Variants in MARCHF4 observed in about 807,000 individuals in gnomAD.
MARCHF4 encodes E3 ubiquitin-protein ligase MARCHF4.
MARCHF4 carries 14 observed loss-of-function variants against 43.9 expected under a neutral mutation model. That is an observed-to-expected ratio of 0.32 (90% CI 0.21 to 0.50). The LOEUF (loss-of-function observed/expected upper bound fraction) is 0.50, where lower values mean the gene tolerates loss of function less well. MARCHF4 is among the 20% of genes least tolerant of loss of function. MARCHF4 has a pLI of 0.98. For synonymous variants in MARCHF4, 226 were observed against 213.3 expected (o/e 1.06, Z -0.52); for missense variants, 468 against 536.7 (o/e 0.87, Z 1.27).
chr2:216,334,241 T>A (rs1319596589), intron 1 of MARCHF4, among the ~76,000 whole-genome samples: 1 of 152,114 alleles, frequency 6.6e-6, no homozygotes, highest in Non-Finnish European at 1.5e-5. Flanking sequence ...GTTGCTGGAT[T>A]TGAAGATGGA....
intron 1 of MARCHF4, among the ~76,000 whole-genome samples, chr2:216,301,432 T>C (rs1244239767): frequency 1.3e-5 from 2 of 152,224 alleles, no homozygotes; most frequent in East Asian, 3.9e-4. Flanking sequence ...GTCACTTGTA[T>C]TGTCAATCTT....
chr2:216,316,748 T>A (rs1691784096), intron 1 of MARCHF4, among the ~76,000 whole-genome samples: 1 of 152,212 alleles, frequency 6.6e-6, no homozygotes. Flanking sequence ...CCAGAACTTC[T>A]GATTCTGCAG....
chr2:216,323,882 C>A (rs1229122776), intron 1 of MARCHF4, among the ~76,000 whole-genome samples: 4 of 151,758 alleles, frequency 2.6e-5, no homozygotes, highest in Non-Finnish European at 5.9e-5. Context: ...AAATTGACAC[C>A]CTAACATCAC....
chr2:216,326,745 G>T (rs1010108847), intron 1 of MARCHF4, among the ~76,000 whole-genome samples: 2 of 150,988 alleles, frequency 1.3e-5, no homozygotes, highest in African/African-American at 2.4e-5. Context: ...CTCACTCATA[G>T]GTGGGAATTG....
At chr2:216,330,239 A>T (rs1692065616) in intron 1 of MARCHF4, among the ~76,000 whole-genome samples, 1 of 152,224 alleles carries the variant, frequency 6.6e-6, no homozygotes, top group Non-Finnish European at 1.5e-5. Context: ...TTTTATAATG[A>T]TAGTGTGATA....
In MARCHF4 at chr2:216,370,032, T is replaced by G. The variant is rs1446306073; in HGVS notation, c.229A>C (p.Asn77His). 6.5e-7 allele frequency: 1 copy of G among 1,549,324 alleles called. No homozygotes were observed. The highest frequency in any genetic ancestry group is 2.4e-5 in the East Asian group (1 of 41,346). Reference sequence around the variant, plus strand: ...CCGGCGCCCAGAGCCGGAAGGGTGTTGTTGGCCGCCAAACCGGGGGGCTGG... The same window carrying G: ...CCGGCGCCCAGAGCCGGAAGGGTGTGGTTGGCCGCCAAACCGGGGGGCTGG... ...DPQPPGLAAN[N>H]TLPALGAGGW... Residue 77 changes from asparagine (N) to histidine (H), a missense_variant, in exon 1 of 4, where the codon AAC becomes CAC. Transcript: ENST00000273067.
At chr2:216,359,648 G>A (rs963559434) in intron 1 of MARCHF4, among the ~76,000 whole-genome samples, 12 of 152,204 alleles carry the variant, frequency 7.9e-5, no homozygotes, top group South Asian at 2.1e-4. Context: ...TCACCAGCTT[G>A]ACTATCCAGT....
intron 1 of MARCHF4, among the ~76,000 whole-genome samples, chr2:216,295,724 G>C (rs1691380262): frequency 6.6e-6 from 1 of 152,214 alleles, no homozygotes; most frequent in East Asian, 1.9e-4. Flanking sequence ...AAGTTCATCA[G>C]TCTGAAATCT....
intron 3 of MARCHF4, among the ~76,000 whole-genome samples, chr2:216,268,906 C>G (rs1690889533): frequency 6.6e-6 from 1 of 152,126 alleles, no homozygotes; most frequent in African/African-American, 2.4e-5. Context: ...TTGTACAATC[C>G]TGCTGCCCCC....
chr2:216,349,766 C>G (rs1056328261), intron 1 of MARCHF4, among the ~76,000 whole-genome samples: 2 of 152,104 alleles, frequency 1.3e-5, no homozygotes, highest in African/African-American at 2.4e-5. Flanking sequence ...GTTAAAGTGA[C>G]AAGGCTGGAG....
intron 3 of MARCHF4, among the ~76,000 whole-genome samples, chr2:216,275,049 T>G (rs1003875327): frequency 3.3e-5 from 5 of 152,176 alleles, no homozygotes; most frequent in African/African-American, 1.2e-4. Flanking sequence ...CAGCACAGAA[T>G]GGATAAATTA....
rs1359570256 is a variant in MARCHF4 at position 216,320,659 on chromosome 2, CTTTCTTTCTTTCTTTCTT to C, written c.517-36948_517-36931del. On this transcript the variant is annotated intron_variant, in intron 1 of 3. Coordinates refer to ENST00000273067, the MANE Select transcript of MARCHF4 (RefSeq NM_020814.3). Reference sequence around the variant, plus strand: ...TCTTTCTTTCTTTCTTTCTTTCTTTCTTTCTTTCTTTCTTTCTTTTTTTTTTTTTGAGATGGAGTCCCA... The same window carrying C: ...TCTTTCTTTCTTTCTTTCTTTCTTTCTTTTTTTTTTTGAGATGGAGTCCCA... Among the ~76,000 whole-genome samples the C allele has an allele frequency of 3.5e-3, 364 of 105,142 alleles. 3 individuals are homozygous for C. Among genetic ancestry groups the C allele is most frequent in the Admixed American group, 6.4e-3 (69 of 10,856 alleles). The allele number at this position is 105,142 out of a possible 152,430, so 69.0% of individuals were successfully genotyped here. A position where few individuals can be genotyped will look rare whatever the true frequency, so the allele number is the denominator to read the frequency against.
At chr2:216,335,935 G>A (rs1692150643) in intron 1 of MARCHF4, among the ~76,000 whole-genome samples, 1 of 151,842 alleles carries the variant, frequency 6.6e-6, no homozygotes. Flanking sequence ...GGGCATGGTG[G>A]CACAAACCTG....
At chr2:216,298,838 T>C (rs1290971790) in intron 1 of MARCHF4, among the ~76,000 whole-genome samples, 1 of 152,238 alleles carries the variant, frequency 6.6e-6, no homozygotes, top group Non-Finnish European at 1.5e-5. Context: ...ATCCATGATT[T>C]CACAGGTCCT....
chr2:216,314,293 A>C (rs1339737123), intron 1 of MARCHF4, among the ~76,000 whole-genome samples: 1 of 151,874 alleles, frequency 6.6e-6, no homozygotes, highest in African/African-American at 2.4e-5. Flanking sequence ...TTAGGGGTGC[A>C]TATATTAAAT....
intron 1 of MARCHF4, among the ~76,000 whole-genome samples, chr2:216,354,952 T>TTTC (rs1692471371): frequency 1.4e-5 from 2 of 145,290 alleles, no homozygotes; most frequent in Non-Finnish European, 3.0e-5. Flanking sequence ...TCTTTCTTTC[T>TTTC]TTCTTTCTTT....
chr2:216,262,832 T>A (rs1255829100), intron 3 of MARCHF4, among the ~76,000 whole-genome samples: 1 of 152,222 alleles, frequency 6.6e-6, no homozygotes. Context: ...TAAATTAATA[T>A]AATGCCCTAA....
chr2:216,349,566 G>A (rs1692366737), intron 1 of MARCHF4, among the ~76,000 whole-genome samples: 3 of 152,210 alleles, frequency 2.0e-5, no homozygotes, highest in Non-Finnish European at 4.4e-5. Context: ...GATGTGAAGT[G>A]CAGGAAGGAG....
At chr2:216,302,016 G>C (rs1208561298) in intron 1 of MARCHF4, among the ~76,000 whole-genome samples, 1 of 152,066 alleles carries the variant, frequency 6.6e-6, no homozygotes, top group Non-Finnish European at 1.5e-5. Flanking sequence ...AAATCTGTTG[G>C]CAAAAAGCAA....
Sources: gnomAD v4.1 joint callset for allele counts (sites outside exome capture counted in the v4.1 genomes callset) on GRCh38, gnomAD v4.1.1 for gene constraint, MANE v1.5 for transcripts, NCBI Gene and HGNC (gene_info 2026-07-23, HGNC 2026-07-21) for gene names.